Variants in SPATA18 observed in about 807,000 individuals in gnomAD.
SPATA18 encodes the protein mitochondria-eating protein.
SPATA18 carries 54 observed loss-of-function variants against 68.1 expected under a neutral mutation model. The ratio of observed to expected loss-of-function variants is 0.79; its 90% CI spans 0.64 to 0.99. The LOEUF (loss-of-function observed/expected upper bound fraction) is 0.99, where lower values mean the gene tolerates loss of function less well. Among genes scored for constraint, SPATA18 ranks in the 50% least tolerant of loss-of-function variants. The probability of loss-of-function intolerance (pLI) is 0.00; values close to 1 mark genes in which losing one functional copy is unlikely to be tolerated. For synonymous variants in SPATA18, 242 were observed against 244.8 expected, an observed-to-expected ratio of 0.99 and a Z score of 0.11; for missense variants, 724 against 681.1, an observed-to-expected ratio of 1.06 and a Z score of -0.70.
At position 52,062,241 on chromosome 4, in the gene SPATA18, CAT is replaced by C; in HGVS notation, c.333_334del (p.His111GlnfsTer16). ...SLQDTFDRERHKDPSPRDRDM... is the reference protein window; with the variant it reads ...SLQDTFDRERXKDPSPRDRDM... ...CCAGGACACGTTTGATAGGGAGAGA[CAT>C]AAAGATCCCAGTCCTCGGGATCGGG... is the stretch of plus-strand genomic sequence containing the variant. On this transcript the variant is annotated frameshift_variant, in exon 4 of 13. Transcript: ENST00000295213. LOFTEE classifies it high-confidence loss of function. 1 of 1,565,610 alleles carries C rather than the reference CAT, an allele frequency of 6.4e-7. No homozygotes were observed. The highest frequency in any genetic ancestry group is 1.1e-5 in the South Asian group (1 of 87,180).
chr4:52,065,707 C>T (rs977858270), intron 4 of SPATA18, among the ~76,000 whole-genome samples: 1 of 152,178 alleles, frequency 6.6e-6, no homozygotes, highest in African/African-American at 2.4e-5. Context: ...CAGGGTGCTG[C>T]CCACGATGGA....
At chr4:52,092,800 G>T (rs1742092708) in intron 11 of SPATA18, among the ~76,000 whole-genome samples, 1 of 152,186 alleles carries the variant, frequency 6.6e-6, no homozygotes, top group Non-Finnish European at 1.5e-5. Flanking sequence ...TATCTTCTCT[G>T]AATAGGTCTT....
chr4:52,082,580 C>A lies in SPATA18; in HGVS notation c.1479+70C>A, dbSNP rs143499998. On this transcript the variant is annotated intron_variant, in intron 10 of 12. Coordinates refer to ENST00000295213, the MANE Select transcript of SPATA18 (RefSeq NM_145263.4). ...TCACAAGTTCGAGAACATTTATAAA[C>A]CCAGAGATTCTATAAAAGAAGTTTA... 1.6e-4 allele frequency: 252 copies of A among 1,612,700 alleles called. 2 individuals carry two copies. In the East Asian group the frequency reaches 4.8e-3, roughly 31 times the overall value.
chr4:52,055,535 C>T (rs575464976), intron 1 of SPATA18, among the ~76,000 whole-genome samples: 6 of 152,294 alleles, frequency 3.9e-5, no homozygotes, highest in Admixed American at 3.3e-4. Context: ...CTTACCTTTA[C>T]TCATTGTGGT....
intron 2 of SPATA18, 27 bp downstream of exon 2, chr4:52,060,551 C>T (rs760344887): frequency 6.3e-7 from 1 of 1,593,328 alleles, no homozygotes; most frequent in Non-Finnish European, 8.6e-7. Context: ...ATTTCCCATC[C>T]AGTTCTGCTT....
intron 4 of SPATA18, among the ~76,000 whole-genome samples, chr4:52,065,616 C>T (rs1739245510): frequency 6.6e-6 from 1 of 152,140 alleles, no homozygotes; most frequent in African/African-American, 2.4e-5. Flanking sequence ...TTTAAGGTAT[C>T]ACTAAAAGAA....
rs904249650 is a variant in SPATA18 at position 52,072,308 on chromosome 4, T to A, written c.758+152T>A. Reference sequence around the variant, plus strand: ...TTGAATTGTAAAGGGATTGTTTTCTTAACTGCACCCCTTCCAGAGAGAGAA... The same window carrying A: ...TTGAATTGTAAAGGGATTGTTTTCTAAACTGCACCCCTTCCAGAGAGAGAA... On this transcript the variant is annotated intron_variant, in intron 6 of 12. Transcript: ENST00000295213. The A allele has an allele frequency of 1.0e-5, 13 of 1,258,526 alleles. No homozygotes were observed. In the Admixed American group the frequency reaches 1.1e-4, roughly 11 times the overall value. The allele number at this position is 1,258,526 out of a possible 1,614,324, so 78.0% of individuals were successfully genotyped here.
chr4:52,085,088 A>G (rs966939336), intron 11 of SPATA18, 89 bp downstream of exon 11: 11 of 1,029,172 alleles, frequency 1.1e-5, no homozygotes, highest in African/African-American at 3.3e-5. Flanking sequence ...AGAGGTGATT[A>G]TAAGTCTACA....
intron 8 of SPATA18, among the ~76,000 whole-genome samples, chr4:52,079,511 T>C (rs1183731300): frequency 7.2e-5 from 11 of 152,236 alleles, no homozygotes; most frequent in Non-Finnish European, 1.2e-4. Flanking sequence ...CCTTGCTTTT[T>C]TAGGACTCTC....
At chr4:52,085,300 A>G (rs1741322905) in intron 11 of SPATA18, among the ~76,000 whole-genome samples, 1 of 152,158 alleles carries the variant, frequency 6.6e-6, no homozygotes, top group African/African-American at 2.4e-5. Context: ...TGGACTGAAG[A>G]GTGAATGGGA....
At position 52,082,374 on chromosome 4, in the gene SPATA18, A is replaced by T. The variant is rs993075194; in HGVS notation, c.1356-13A>T. ...GCTTAACTTCTCTTTCTTTTTTTGT[A>T]TATTGAAAACAGATACCGCCGCAGC... On this transcript the variant is annotated splice_polypyrimidine_tract_variant and intron_variant, in intron 9 of 12. Transcript: ENST00000295213. 8 of 1,609,022 alleles carry T rather than the reference A, an allele frequency of 5.0e-6. No individual in the cohort carries two copies. Among genetic ancestry groups the T allele is most frequent in the Admixed American group, 1.7e-5 (1 of 59,378 alleles).
chr4:52,057,960 A>G (rs576652983), intron 1 of SPATA18, among the ~76,000 whole-genome samples: 1 of 152,246 alleles, frequency 6.6e-6, no homozygotes, highest in Non-Finnish European at 1.5e-5. Flanking sequence ...AGCAGAGCTG[A>G]GATACTCAGG....
intron 6 of SPATA18, among the ~76,000 whole-genome samples, chr4:52,072,741 G>A (rs1739972940): frequency 6.6e-6 from 1 of 152,112 alleles, no homozygotes; most frequent in Admixed American, 6.5e-5. Context: ...CCAGATTTGT[G>A]CAGGCCTATG....
chr4:52,078,619 TTTAG>T, intron 7 of SPATA18, 112 bp from the exon 8 acceptor site: 1 of 897,408 alleles, frequency 1.1e-6, no homozygotes, highest in East Asian at 2.6e-5. Context: ...ATCAACTGTG[TTTAG>T]TTATCAGAAG....
At position 52,079,814 on chromosome 4, in the gene SPATA18, G is replaced by C. The variant is rs769816815; in HGVS notation, c.1250G>C (p.Ser417Thr). 3.1e-6 allele frequency: 5 copies of C among 1,613,926 alleles called. No individual in the cohort carries two copies. The Admixed American group carries it at 8.3e-5, about 27-fold the overall frequency. Residue 417 changes from serine to threonine, a missense_variant, in exon 9 of 13, where the codon AGT (serine) becomes ACT (threonine). Ser to Thr is a moderately conservative substitution (Grantham distance 58, BLOSUM62 1). Coordinates refer to ENST00000295213, the MANE Select transcript of SPATA18 (RefSeq NM_145263.4). ...FPPVVDFCLL[S>T]DFIQEICCIA... ...CCTGTCGTTGACTTTTGCCTTCTCA[G>C]TGACTTCATCCAGGAGATATGTTGC... is the stretch of plus-strand genomic sequence containing the variant.
At chr4:52,069,800 A>G in intron 4 of SPATA18, 21 bp from the exon 5 acceptor site, 2 of 1,524,276 alleles carry the variant, frequency 1.3e-6, no homozygotes, top group Non-Finnish European at 1.8e-6. Context: ...ATCTATCTTT[A>G]GTTACTGATT....
intron 12 of SPATA18, 145 bp downstream of exon 12, chr4:52,094,717 G>A (rs1742285056): frequency 2.3e-6 from 3 of 1,278,450 alleles, no homozygotes; most frequent in Admixed American, 1.8e-5. Flanking sequence ...TGGGCCTCTG[G>A]CTGATGGTAC....
chr4:52,074,292 C>T (rs1325650105), intron 6 of SPATA18, among the ~76,000 whole-genome samples: 1 of 152,110 alleles, frequency 6.6e-6, no homozygotes, highest in Non-Finnish European at 1.5e-5. Context: ...AGCAGTGCCA[C>T]AAAGCCATAA....
At position 52,096,254 on chromosome 4, in the gene SPATA18, G is replaced by A. The variant is rs933252767; in HGVS notation, c.*1367G>A. On this transcript the variant is annotated 3_prime_UTR_variant, in exon 13 of 13. Coordinates refer to ENST00000295213, the MANE Select transcript of SPATA18 (RefSeq NM_145263.4). ...AGTCATCACTTTGAAGCAATGCAGT[G>A]TGCTGGAAGGAGCACTATCTGCCTA... The A allele has an allele frequency of 6.6e-6, 1 of 152,116 alleles. No homozygotes were observed. The highest frequency in any genetic ancestry group is 2.4e-5 in the African/African-American group (1 of 41,424). The allele number at this position is 152,116 out of a possible 1,614,324, so 9.4% of individuals were successfully genotyped here.
Sources: gnomAD v4.1 joint callset for allele counts (sites outside exome capture counted in the v4.1 genomes callset) on GRCh38, gnomAD v4.1.1 for gene constraint, MANE v1.5 for transcripts, NCBI Gene and HGNC (gene_info 2026-07-23, HGNC 2026-07-21) for gene names.